MAGI2: variants seen among roughly 807,000 people sequenced by gnomAD.
The protein encoded by MAGI2 is membrane-associated guanylate kinase, WW and PDZ domain-containing protein 2.
Under a neutral mutation model 133.3 loss-of-function variants are expected in MAGI2, and 35 were observed. The ratio of observed to expected loss-of-function variants is 0.26; its 90% CI spans 0.20 to 0.35. The LOEUF is 0.35. Ranked by LOEUF, MAGI2 falls within the 10% of genes least tolerant of loss-of-function variation. The pLI is 1.00. For synonymous variants in MAGI2, 729 were observed against 710.6 expected, an observed-to-expected ratio of 1.03 and a Z score of -0.41; for missense variants, 1,636 against 1,863.4, an observed-to-expected ratio of 0.88 and a Z score of 2.25.
chr7:79,108,758 C>T (rs991973746), intron 1 of MAGI2, among the ~76,000 whole-genome samples: 3 of 151,998 alleles, frequency 2.0e-5, no homozygotes, highest in Non-Finnish European at 4.4e-5. Context: ...GAGGTGATCC[C>T]CAGTGTTGGA....
intron 3 of MAGI2, among the ~76,000 whole-genome samples, chr7:78,579,951 C>A (rs1461233890): frequency 6.6e-6 from 1 of 152,198 alleles, no homozygotes; most frequent in African/African-American, 2.4e-5. Context: ...CTCTAATATC[C>A]AGTATTGTAC....
intron 1 of MAGI2, chr7:79,010,847 CTT>C (rs2116572407): frequency 6.6e-6 from 1 of 152,180 alleles, no homozygotes; most frequent in Admixed American, 6.5e-5. Context: ...TGAAGTGACA[CTT>C]TCAGTAAATG....
At chr7:78,176,489 G>C (rs1043281704) in intron 14 of MAGI2, among the ~76,000 whole-genome samples, 2 of 151,986 alleles carry the variant, frequency 1.3e-5, no homozygotes, top group Admixed American at 1.3e-4. Flanking sequence ...AACTCCTCCC[G>C]CAGGGCAGAG....
At chr7:78,985,704 G>A (rs538346203) in intron 2 of MAGI2, among the ~76,000 whole-genome samples, 15 of 152,098 alleles carry the variant, frequency 9.9e-5, no homozygotes, top group African/African-American at 9.6e-5. Flanking sequence ...GCCATCTACC[G>A]TACACTGGAG....
At chr7:78,177,135 A>G (rs941492514) in intron 14 of MAGI2, among the ~76,000 whole-genome samples, 4 of 152,004 alleles carry the variant, frequency 2.6e-5, no homozygotes, top group Non-Finnish European at 5.9e-5. Flanking sequence ...CATCTTGTAG[A>G]TGAGAAAGCT....
chr7:78,529,258 G>C (rs886483599), intron 3 of MAGI2, among the ~76,000 whole-genome samples: 2 of 152,168 alleles, frequency 1.3e-5, no homozygotes, highest in African/African-American at 2.4e-5. Flanking sequence ...GACAGGCACA[G>C]GATAAATCTT....
intron 9 of MAGI2, among the ~76,000 whole-genome samples, chr7:78,276,314 T>C (rs958323587): frequency 6.6e-6 from 1 of 152,188 alleles, no homozygotes. Flanking sequence ...CAAATGTCTT[T>C]AATTTTTTGT....
rs934563506 is a variant in MAGI2 at position 78,975,489 on chromosome 7, A to C, written c.418+31601T>G. On this transcript the variant is annotated intron_variant, in intron 2 of 21. Coordinates refer to ENST00000354212, the MANE Select transcript of MAGI2 (RefSeq NM_012301.4). ...TACTTTGAACTAAATGGGAATGAAA[A>C]TATAATTTATCAAATTATATGAGAT... 7.2e-5 allele frequency among the ~76,000 whole-genome samples: 11 copies of C among 151,732 alleles called. No homozygotes were observed. In the Admixed American group the frequency reaches 7.3e-4, roughly 10 times the overall value.
chr7:78,555,200 GGATAGATAGATAGATAGATAGACA>G (rs1437495809), intron 3 of MAGI2, among the ~76,000 whole-genome samples: 106 of 92,712 alleles, frequency 1.1e-3, no homozygotes, highest in Non-Finnish European at 2.0e-3. Flanking sequence ...TTGGATGGAT[GGATAGATAGATAGATAGATAGACA>G]GATAGATAGA....
At chr7:79,025,831 A>T (rs1008528720) in intron 1 of MAGI2, among the ~76,000 whole-genome samples, 8 of 152,226 alleles carry the variant, frequency 5.3e-5, no homozygotes, top group Admixed American at 6.5e-5. Context: ...ACCTACAAGT[A>T]TTGTAAACTG....
At chr7:78,531,579 G>A (rs560419421) in intron 3 of MAGI2, among the ~76,000 whole-genome samples, 34 of 152,192 alleles carry the variant, frequency 2.2e-4, no homozygotes, top group African/African-American at 4.8e-4. Context: ...GGCTCAGTAC[G>A]TAAGAAAAGG....
chr7:79,378,739 T>C (rs1266121509), intron 1 of MAGI2, among the ~76,000 whole-genome samples: 1 of 151,026 alleles, frequency 6.6e-6, no homozygotes, highest in Non-Finnish European at 1.5e-5. Context: ...ATTTATTAAG[T>C]ATCTTTATTA....
chr7:78,268,115 G>T (rs550905250), intron 9 of MAGI2, among the ~76,000 whole-genome samples: 4 of 151,610 alleles, frequency 2.6e-5, no homozygotes, highest in Admixed American at 2.0e-4. Context: ...GCAAAATAAG[G>T]TTAACAACAG....
chr7:78,461,288 GTT>G (rs1360440244), intron 6 of MAGI2, among the ~76,000 whole-genome samples: 2 of 151,966 alleles, frequency 1.3e-5, no homozygotes, highest in East Asian at 3.9e-4. Flanking sequence ...CTAAGAGAGG[GTT>G]TGTTTCCTTA....
rs555197531 is a variant in MAGI2 at position 78,225,026 on chromosome 7, G to A, written c.2048-23833C>T. Reference sequence around the variant, plus strand: ...ACACAGAATTGGCTCTGCTGGCCCAGTCCCTGCAGATATCCTGGAAGCAAA... The same window carrying A: ...ACACAGAATTGGCTCTGCTGGCCCAATCCCTGCAGATATCCTGGAAGCAAA... On this transcript the variant is annotated intron_variant, in intron 10 of 21. Transcript: ENST00000354212. Among the ~76,000 whole-genome samples the A allele has an allele frequency of 2.0e-5, 3 of 152,198 alleles. No homozygotes were observed. The East Asian group carries it at 5.8e-4, about 30-fold the overall frequency.
chr7:78,333,478 G>T (rs1377150940), intron 9 of MAGI2, among the ~76,000 whole-genome samples: 1 of 152,198 alleles, frequency 6.6e-6, no homozygotes, highest in Non-Finnish European at 1.5e-5. Context: ...GACTCTCTCT[G>T]ATCCAAAGAG....
intron 1 of MAGI2, among the ~76,000 whole-genome samples, chr7:79,308,309 T>C (rs1023346779): frequency 6.6e-6 from 1 of 152,192 alleles, no homozygotes; most frequent in Non-Finnish European, 1.5e-5. Flanking sequence ...TCTTTCTCTC[T>C]GAACACCAAC....
At chr7:78,669,725 T>C (rs570557931) in intron 2 of MAGI2, among the ~76,000 whole-genome samples, 23 of 152,220 alleles carry the variant, frequency 1.5e-4, no homozygotes, top group South Asian at 1.0e-3. Flanking sequence ...TTATCCACCA[T>C]GATCAAGTGG....
intron 5 of MAGI2, 38 bp from the exon 6 acceptor site, chr7:78,489,878 T>C: frequency 1.4e-6 from 2 of 1,441,884 alleles, no homozygotes; most frequent in Non-Finnish European, 1.9e-6. Context: ...AGACACATAC[T>C]AAAAGGAATC....
Sources: gnomAD v4.1 joint callset for allele counts (sites outside exome capture counted in the v4.1 genomes callset) on GRCh38, gnomAD v4.1.1 for gene constraint, MANE v1.5 for transcripts, NCBI Gene and HGNC (gene_info 2026-07-23, HGNC 2026-07-21) for gene names.